The following CAND1 variants were observed in gnomAD, a reference collection of about 807,000 sequenced individuals.
CAND1 encodes the protein cullin associated and neddylation dissociated 1.
Under a neutral mutation model 108.5 loss-of-function variants are expected in CAND1, and 7 were observed. The observed-to-expected ratio is 0.06, with a 90% CI of 0.04 to 0.12. The LOEUF (loss-of-function observed/expected upper bound fraction) is 0.12, where lower values mean the gene tolerates loss of function less well. Ranked by LOEUF, CAND1 falls within the 10% of genes least tolerant of loss-of-function variation. The pLI is 1.00. For missense variants in CAND1, 941 were observed against 1,448.7 expected (o/e 0.65, Z 5.69); for synonymous variants, 534 against 512.0 (o/e 1.04, Z -0.58).
chr12:67,310,514 T>C, intron 13 of CAND1, 198 bp downstream of exon 13: 2 of 403,154 alleles, frequency 5.0e-6, no homozygotes, highest in South Asian at 4.7e-5. Flanking sequence ...TCCAGAGCCC[T>C]TTTTATTGGA....
chr12:67,301,155 T>C (rs576664279), intron 7 of CAND1, among the ~76,000 whole-genome samples: 2 of 152,334 alleles, frequency 1.3e-5, no homozygotes, highest in South Asian at 4.1e-4. Context: ...CTTTTAACTT[T>C]ATTTGAATAG....
chr12:67,281,950 G>T lies in CAND1; in HGVS notation c.109G>T (p.Asp37Tyr). ...TNDLMTELQK[D>Y]SIKLDDDSER... is the part of the protein sequence containing the mutation. ...TGATTTGATGACGGAACTGCAGAAA[G>T]ATTCCATCAAGTTGGATGATGATAG... Residue 37 changes from aspartate to tyrosine, a missense_variant, in exon 2 of 15, where the codon GAT becomes TAT. Physicochemically the swap from Asp to Tyr is radical, Grantham distance 160. This residue lies in a region of CAND1 where 44 missense variants were observed against 129.1 expected (regional missense o/e 0.34). Coordinates refer to ENST00000545606, the MANE Select transcript of CAND1 (RefSeq NM_018448.5). 1 of 1,610,890 alleles carries T rather than the reference G, an allele frequency of 6.2e-7. No individual in the cohort carries two copies. Among genetic ancestry groups the T allele is most frequent in the Non-Finnish European group, 8.5e-7 (1 of 1,178,166 alleles).
In CAND1 at chr12:67,306,266, A is replaced by G. The variant is rs745695627; in HGVS notation, c.2598A>G (p.Ser866=). Reference sequence around the variant, plus strand: ...AATCTGTAATACTAGAAGCTTTCTCATCTCCTAGTGAAGAAGTCAAATCAG... The same window carrying G: ...AATCTGTAATACTAGAAGCTTTCTCGTCTCCTAGTGAAGAAGTCAAATCAG... ...ELKSVILEAF[S]SPSEEVKSAA... Residue 866 remains serine, a synonymous_variant, in exon 10 of 15, where the codon TCA becomes TCG. Transcript: ENST00000545606. 1.9e-6 allele frequency: 3 copies of G among 1,611,364 alleles called. No homozygotes were observed. The South Asian group carries it at 3.3e-5, about 18-fold the overall frequency.
At chr12:67,301,125 A>G (rs901168793) in intron 7 of CAND1, among the ~76,000 whole-genome samples, 6 of 152,088 alleles carry the variant, frequency 3.9e-5, no homozygotes, top group African/African-American at 1.4e-4. Flanking sequence ...TCTTAACTTG[A>G]TAGTGTATTT....
chr12:67,292,012 C>G (rs2044726707), intron 2 of CAND1, among the ~76,000 whole-genome samples: 1 of 152,140 alleles, frequency 6.6e-6, no homozygotes, highest in South Asian at 2.1e-4. Flanking sequence ...CGGGCACATA[C>G]CAGCAATGCC....
intron 13 of CAND1, 28 bp downstream of exon 13, chr12:67,310,344 T>A: frequency 6.6e-7 from 1 of 1,525,138 alleles, no homozygotes; most frequent in Middle Eastern, 2.0e-4. Context: ...ATTTATACAA[T>A]GTTTTAGAAG....
intron 3 of CAND1, 68 bp from the exon 4 acceptor site, chr12:67,294,964 CT>C: frequency 6.6e-7 from 1 of 1,513,368 alleles, no homozygotes; most frequent in Non-Finnish European, 8.9e-7. Context: ...TATTTGGTAA[CT>C]ACCATGAATA....
chr12:67,319,473 AGG>A lies in CAND1; in HGVS notation c.*6645_*6646del. On this transcript the variant is annotated 3_prime_UTR_variant, in exon 15 of 15. Coordinates refer to ENST00000545606, the MANE Select transcript of CAND1 (RefSeq NM_018448.5). ...AGTCTTCCCTGGACAAGTAATGAAG[AGG>A]GCATAATCCAAGGGCCAACTCCCAT... The A allele has an allele frequency of 6.6e-6, 1 of 152,336 alleles. No homozygotes were observed. The highest frequency in any genetic ancestry group is 6.5e-5 in the Admixed American group (1 of 15,304). The allele number at this position is 152,336 out of a possible 1,614,324, so 9.4% of individuals were successfully genotyped here.
In CAND1 at chr12:67,314,942, G is replaced by C. The variant is rs1404891027; in HGVS notation, c.*2112G>C. Reference sequence around the variant, plus strand: ...ACTGATGATTAACTCCATACTCCTAGTGGTGATGTGGTCCAGATACTGGAA... The same window carrying C: ...ACTGATGATTAACTCCATACTCCTACTGGTGATGTGGTCCAGATACTGGAA... On this transcript the variant is annotated 3_prime_UTR_variant, in exon 15 of 15. Coordinates refer to ENST00000545606, the MANE Select transcript of CAND1 (RefSeq NM_018448.5). 3 of 152,188 alleles carry C rather than the reference G, an allele frequency of 2.0e-5. No homozygotes were observed. The highest frequency in any genetic ancestry group is 6.5e-5 in the Admixed American group (1 of 15,274). The allele number at this position is 152,188 out of a possible 1,614,324, so 9.4% of individuals were successfully genotyped here.
At chr12:67,274,785 G>A (rs925488572) in intron 1 of CAND1, among the ~76,000 whole-genome samples, 4 of 152,094 alleles carry the variant, frequency 2.6e-5, no homozygotes, top group South Asian at 2.1e-4. Context: ...GATATTGGAC[G>A]GTATTTTCTT....
Position 67,305,894 on chromosome 12 carries a change from G to C in CAND1, c.2226G>C (p.Val742=), listed in dbSNP as rs767527201. ...GSILNELIGL[V]RSPLLQGGAL... is the part of the protein sequence containing the mutation. ...TTCTCAATGAACTTATTGGACTTGTGAGATCACCCTTATTGCAGGGGGGAG... is the reference window on the plus strand; with the variant it reads ...TTCTCAATGAACTTATTGGACTTGTCAGATCACCCTTATTGCAGGGGGGAG... The change falls in exon 10 of 15, where the codon GTG becomes GTC. Residue 742 remains valine (V), a synonymous_variant. Coordinates refer to ENST00000545606, the MANE Select transcript of CAND1 (RefSeq NM_018448.5). The surrounding 1 kb of genome is among the most constrained non-coding windows in gnomAD (Gnocchi z 4.4). The C allele has an allele frequency of 1.2e-6, 2 of 1,614,092 alleles. No homozygotes were observed. Among genetic ancestry groups the C allele is most frequent in the Non-Finnish European group, 1.7e-6 (2 of 1,179,994 alleles).
At chr12:67,296,233 G>C (rs904189275) in intron 4 of CAND1, among the ~76,000 whole-genome samples, 1 of 151,968 alleles carries the variant, frequency 6.6e-6, no homozygotes. Flanking sequence ...GCACAGGTTT[G>C]GGTAGTAGTG....
rs1232813002 is a variant in CAND1, at chr12:67,282,155, C to G, written c.212+102C>G. The G allele has an allele frequency of 3.3e-6, 4 of 1,199,388 alleles. No individual in the cohort carries two copies. In the Admixed American group the frequency reaches 6.6e-5, roughly 20 times the overall value. 74.3% of individuals were successfully genotyped at this position (1,199,388 alleles called of 1,614,324 possible). A position where few individuals can be genotyped will look rare whatever the true frequency, so the allele number is the denominator to read the frequency against. On this transcript the variant is annotated intron_variant, in intron 2 of 14. Transcript: ENST00000545606. Reference sequence around the variant, plus strand: ...AAATTATCTTAGCCTTGTACTATCTCTTTCTAGTGTGTGTGTGTAGAATTT... The same window carrying G: ...AAATTATCTTAGCCTTGTACTATCTGTTTCTAGTGTGTGTGTGTAGAATTT...
rs113826557 is a variant in CAND1, at chr12:67,292,549, A to G, written c.213-73A>G. On this transcript the variant is annotated intron_variant, in intron 2 of 14. Transcript: ENST00000545606. ...GAAAGTTCTAGGCGGAAAGGTTAAC[A>G]TTTCTACTTATGTATTTTCCTGTTT... The G allele has an allele frequency of 9.2e-5, 100 of 1,084,990 alleles. 2 individuals carry two copies. The African/African-American group carries it at 1.2e-3, about 14-fold the overall frequency. 67.2% of individuals were successfully genotyped at this position (1,084,990 alleles called of 1,614,324 possible). A position where few individuals can be genotyped will look rare whatever the true frequency, so the allele number is the denominator to read the frequency against.
chr12:67,304,056 C>T (rs1324756751), intron 8 of CAND1, among the ~76,000 whole-genome samples: 1 of 144,696 alleles, frequency 6.9e-6, no homozygotes, highest in Non-Finnish European at 1.5e-5. Flanking sequence ...GTGGTGCTAT[C>T]TCGGCTCACT....
At position 67,319,050 on chromosome 12, in the gene CAND1, T is replaced by C. The variant is rs2045035324; in HGVS notation, c.*6220T>C. 6.6e-6 allele frequency: 1 copy of C among 152,224 alleles called. No individual in the cohort carries two copies. Among genetic ancestry groups the C allele is most frequent in the Admixed American group, 6.5e-5 (1 of 15,286 alleles). 9.4% of individuals were successfully genotyped at this position (152,224 alleles called of 1,614,324 possible). On this transcript the variant is annotated 3_prime_UTR_variant, in exon 15 of 15. Transcript: ENST00000545606. ...GGCTGTAGTAAACCAGTAATTTGTA[T>C]TTCTATGACGTTCCCAGGTTCTAAT...
chr12:67,317,440 G>A lies in CAND1; in HGVS notation c.*4610G>A, dbSNP rs987977901. 3 of 133,346 alleles carry A rather than the reference G, an allele frequency of 2.2e-5. No homozygotes were observed. Among genetic ancestry groups the A allele is most frequent in the Admixed American group, 2.2e-4 (3 of 13,698 alleles). 8.3% of individuals were successfully genotyped at this position (133,346 alleles called of 1,614,324 possible). A position where few individuals can be genotyped will look rare whatever the true frequency, so the allele number is the denominator to read the frequency against. ...GTGCCTCCTTGCCCAGCCACATGTT[G>A]TTGATTTCTTTTTTCTTTTTTTTTC... On this transcript the variant is annotated 3_prime_UTR_variant, in exon 15 of 15. Transcript: ENST00000545606.
chr12:67,310,389 T>A, intron 13 of CAND1, 73 bp downstream of exon 13: 2 of 1,090,158 alleles, frequency 1.8e-6, no homozygotes, highest in African/African-American at 1.6e-5. Flanking sequence ...CCCTTGTAAT[T>A]TACTCATGTG....
At chr12:67,287,165 A>G (rs537141744) in intron 2 of CAND1, among the ~76,000 whole-genome samples, 2 of 152,320 alleles carry the variant, frequency 1.3e-5, no homozygotes, top group South Asian at 2.1e-4. Context: ...TCCCTGGCCA[A>G]TAGCATTCCC....
Sources: allele counts gnomAD v4.1 joint callset (sites outside exome capture counted in the v4.1 genomes callset), GRCh38; gene constraint gnomAD v4.1.1; regional missense constraint gnomAD v4.1.1; non-coding constraint Gnocchi (gnomAD v3.1); transcripts MANE v1.5; gene names NCBI Gene and HGNC (gene_info 2026-07-23, HGNC 2026-07-21).